Variants in APBB1IP observed in about 807,000 individuals in gnomAD.
APBB1IP encodes amyloid beta A4 precursor protein-binding family B member 1-interacting protein.
In APBB1IP, 27 loss-of-function variants were observed where a neutral mutation model predicts 64.9. That is an observed-to-expected ratio of 0.42 (90% CI 0.31 to 0.57). APBB1IP has a LOEUF of 0.57. APBB1IP is among the 20% of genes least tolerant of loss of function. APBB1IP has a pLI of 0.20. For synonymous variants in APBB1IP, 392 were observed against 331.0 expected, an observed-to-expected ratio of 1.18 and a Z score of -2.00; for missense variants, 812 against 845.5, an observed-to-expected ratio of 0.96 and a Z score of 0.49.
At chr10:26,466,015 G>T (rs894924515) in intron 2 of APBB1IP, among the ~76,000 whole-genome samples, 1 of 152,204 alleles carries the variant, frequency 6.6e-6, no homozygotes, top group African/African-American at 2.4e-5. Context: ...AGCAGGGCTA[G>T]CTTGTATCAG....
At chr10:26,504,074 T>C (rs1812266559) in intron 6 of APBB1IP, among the ~76,000 whole-genome samples, 1 of 152,182 alleles carries the variant, frequency 6.6e-6, no homozygotes, top group African/African-American at 2.4e-5. Flanking sequence ...CTTTGGGGAA[T>C]GCCTAACTGG....
Position 26,567,235 on chromosome 10 carries a change from T to TGCCCCC in APBB1IP, c.1758_1763dup (p.Pro587_Pro588dup), listed in dbSNP as rs1309845255. 2.3e-6 allele frequency: 3 copies of TGCCCCC among 1,327,272 alleles called. No individual in the cohort carries two copies. The highest frequency in any genetic ancestry group is 7.0e-5 in the Admixed American group (2 of 28,730). 82.2% of individuals were successfully genotyped at this position (1,327,272 alleles called of 1,614,324 possible). A position where few individuals can be genotyped will look rare whatever the true frequency, so the allele number is the denominator to read the frequency against. ...TTCATGGAGCCGCCCCCAGACTTCG[T>TGCCCCC]GCCCCCGCCCCCGCCGTCGTACGCA... On this transcript the variant is annotated inframe_insertion, in exon 15 of 15. Coordinates refer to ENST00000376236, the MANE Select transcript of APBB1IP (RefSeq NM_019043.4).
intron 2 of APBB1IP, among the ~76,000 whole-genome samples, chr10:26,464,498 T>A (rs2132409024): frequency 6.6e-6 from 1 of 152,278 alleles, no homozygotes; most frequent in South Asian, 2.1e-4. Flanking sequence ...ATTCCCAGGC[T>A]CAAGTGATCC....
chr10:26,467,597 G>A (rs1210155986), intron 2 of APBB1IP, among the ~76,000 whole-genome samples: 1 of 152,198 alleles, frequency 6.6e-6, no homozygotes, highest in African/African-American at 2.4e-5. Flanking sequence ...AGAGGTGGCT[G>A]AGGTGAGTGG....
At chr10:26,566,929 A>G (rs745679769) in intron 14 of APBB1IP, 32 bp from the exon 15 acceptor site, 3 of 1,535,432 alleles carry the variant, frequency 2.0e-6, no homozygotes, top group Non-Finnish European at 2.6e-6. Flanking sequence ...AAAATTAAAA[A>G]AAAAATGAAT....
chr10:26,503,622 GA>G (rs1256791460), intron 6 of APBB1IP, among the ~76,000 whole-genome samples: 1 of 152,010 alleles, frequency 6.6e-6, no homozygotes, highest in Non-Finnish European at 1.5e-5. Flanking sequence ...GAGACAGAGT[GA>G]GATTCCATCT....
At chr10:26,445,462 G>A (rs1835386432) in intron 2 of APBB1IP, among the ~76,000 whole-genome samples, 1 of 148,098 alleles carries the variant, frequency 6.8e-6, no homozygotes, top group African/African-American at 2.5e-5. Context: ...TGTTGCCCAG[G>A]CTGGTCTCAA....
At chr10:26,516,047 A>C (rs1227873661) in intron 8 of APBB1IP, among the ~76,000 whole-genome samples, 2 of 152,218 alleles carry the variant, frequency 1.3e-5, no homozygotes, top group African/African-American at 4.8e-5. Flanking sequence ...TTGAAAAAAA[A>C]ATGACAGAAC....
intron 2 of APBB1IP, among the ~76,000 whole-genome samples, chr10:26,484,460 G>T (rs1031493769): frequency 6.6e-6 from 1 of 151,994 alleles, no homozygotes; most frequent in African/African-American, 2.4e-5. Flanking sequence ...GCACCACCAC[G>T]CCCAGCTACT....
intron 2 of APBB1IP, among the ~76,000 whole-genome samples, chr10:26,443,265 T>TA (rs930538865): frequency 3.0e-4 from 46 of 151,800 alleles, no homozygotes; most frequent in Admixed American, 1.5e-3. Flanking sequence ...TTACTAAAAA[T>TA]ACAAAAAAAT....
intron 11 of APBB1IP, among the ~76,000 whole-genome samples, chr10:26,559,752 G>A (rs1314128102): frequency 6.6e-6 from 1 of 151,332 alleles, no homozygotes; most frequent in East Asian, 1.9e-4. Flanking sequence ...CCGAGTAGCT[G>A]GGACTACAGG....
intron 3 of APBB1IP, 60 bp from the exon 4 acceptor site, chr10:26,496,244 A>C: frequency 1.6e-6 from 2 of 1,280,270 alleles, no homozygotes. Flanking sequence ...TGCTGAGTAA[A>C]GTGTGCTACA....
In APBB1IP at chr10:26,513,547, T is replaced by A; in HGVS notation, c.700T>A (p.Phe234Ile). 1 of 1,612,168 alleles carries A rather than the reference T, an allele frequency of 6.2e-7. No individual in the cohort carries two copies. Among genetic ancestry groups the A allele is most frequent in the Non-Finnish European group, 8.5e-7 (1 of 1,179,618 alleles). ...TTTTCTTATTTCATCAGAGAGGTTT[T>A]TTGAAGACCATGAAAATGTTGTTGA... ...IYPELQIERF[F>I]EDHENVVEVL... Residue 234 changes from phenylalanine (F) to isoleucine (I), a missense_variant, in exon 8 of 15, where the codon TTT becomes ATT. Physicochemically the swap from Phe to Ile is conservative, Grantham distance 21. Around this residue, in one of 3 missense-constraint regions of APBB1IP, gnomAD observed 394 missense variants for 413.1 expected, o/e 0.95. Coordinates refer to ENST00000376236, the MANE Select transcript of APBB1IP (RefSeq NM_019043.4).
chr10:26,459,567 G>T (rs1468471777), intron 2 of APBB1IP, among the ~76,000 whole-genome samples: 1 of 152,194 alleles, frequency 6.6e-6, no homozygotes, highest in South Asian at 2.1e-4. Flanking sequence ...GTGTAAAAGT[G>T]TTCCTATTTC....
chr10:26,515,038 A>ATTTTTTTT (rs10668002), intron 8 of APBB1IP, among the ~76,000 whole-genome samples: 1 of 133,030 alleles, frequency 7.5e-6, no homozygotes. Context: ...CCCCCGGCTA[A>ATTTTTTTT]TTTTTTTTTT....
At chr10:26,534,286 T>G (rs1417941182) in intron 9 of APBB1IP, among the ~76,000 whole-genome samples, 1 of 76,144 alleles carries the variant, frequency 1.3e-5, no homozygotes, top group Admixed American at 2.1e-4. Context: ...CAAAGCAAGA[T>G]CCAGTCTCAA....
At chr10:26,563,313 A>G (rs1836997427) in intron 14 of APBB1IP, among the ~76,000 whole-genome samples, 1 of 152,196 alleles carries the variant, frequency 6.6e-6, no homozygotes, top group African/African-American at 2.4e-5. Context: ...TGGTTGCACC[A>G]CTACACTCCA....
chr10:26,558,921 A>G (rs1222397266), intron 11 of APBB1IP, among the ~76,000 whole-genome samples: 2 of 152,226 alleles, frequency 1.3e-5, no homozygotes, highest in Admixed American at 1.3e-4. Context: ...ACCATTGCTT[A>G]GTGCTACTTG....
At chr10:26,473,148 A>G (rs1835739652) in intron 2 of APBB1IP, among the ~76,000 whole-genome samples, 1 of 152,060 alleles carries the variant, frequency 6.6e-6, no homozygotes, top group Non-Finnish European at 1.5e-5. Context: ...AGCTCACAAC[A>G]TGATTTTTAG....
Sources: gnomAD v4.1 joint callset for allele counts (sites outside exome capture counted in the v4.1 genomes callset) on GRCh38, gnomAD v4.1.1 for gene constraint, gnomAD v4.1.1 regional missense constraint, MANE v1.5 for transcripts, NCBI Gene and HGNC (gene_info 2026-07-23, HGNC 2026-07-21) for gene names.